Variants in IGF2BP1 observed in about 807,000 individuals in gnomAD.
IGF2BP1 encodes the protein insulin-like growth factor 2 mRNA-binding protein 1.
A neutral mutation model predicts 74.9 loss-of-function variants in IGF2BP1; 11 were observed. The observed-to-expected ratio is 0.15, with a 90% CI of 0.09 to 0.24. IGF2BP1 has a LOEUF of 0.24. Ranked by LOEUF, IGF2BP1 falls within the 10% of genes least tolerant of loss-of-function variation. The pLI, the probability that IGF2BP1 is intolerant of heterozygous loss-of-function variation, is 1.00. For missense variants in IGF2BP1, 440 were observed against 757.4 expected, an observed-to-expected ratio of 0.58 and a Z score of 4.92; for synonymous variants, 287 against 281.8, an observed-to-expected ratio of 1.02 and a Z score of -0.18.
chr17:48,996,649 TC>T (rs1452456753), upstream of IGF2BP1, among the ~76,000 whole-genome samples: 2 of 152,116 alleles, frequency 1.3e-5, no homozygotes, highest in Non-Finnish European at 2.9e-5. Flanking sequence ...TTCCGCGTGT[TC>T]CCCTCAGGAC....
chr17:49,055,546 T>C lies in IGF2BP1; in HGVS notation c.*6102T>C, dbSNP rs1267154594. The C allele has an allele frequency of 7.5e-6, 3 of 397,892 alleles. No homozygotes were observed. The highest frequency in any genetic ancestry group is 1.3e-5 in the Non-Finnish European group (3 of 225,738). The allele number at this position is 397,892 out of a possible 1,614,324, so 24.6% of individuals were successfully genotyped here. A position where few individuals can be genotyped will look rare whatever the true frequency, so the allele number is the denominator to read the frequency against. ...GGGGCTGGGGAGCCACTTGTAACAT[T>C]TCTGTGCAGATTTTATGTTAGCCAC... On this transcript the variant is annotated 3_prime_UTR_variant, in exon 15 of 15. Transcript: ENST00000290341.
At chr17:49,002,846 A>G (rs758066152) in intron 2 of IGF2BP1, among the ~76,000 whole-genome samples, 8 of 152,150 alleles carry the variant, frequency 5.3e-5, no homozygotes, top group Non-Finnish European at 1.0e-4. Flanking sequence ...AAATTCATAA[A>G]TTAGTTTCCT....
intron 2 of IGF2BP1, among the ~76,000 whole-genome samples, chr17:49,023,447 C>T (rs2041815934): frequency 1.5e-5 from 2 of 132,198 alleles, no homozygotes; most frequent in African/African-American, 5.0e-5. Context: ...TTGCTGTACC[C>T]ACTGTAAACC....
chr17:49,029,922 AAGTG>A (rs1224760347), intron 4 of IGF2BP1, among the ~76,000 whole-genome samples: 1 of 151,636 alleles, frequency 6.6e-6, no homozygotes, highest in African/African-American at 2.4e-5. Flanking sequence ...TAATAATTGT[AAGTG>A]AGAAATATGT....
chr17:48,997,521 C>T lies in IGF2BP1; in HGVS notation c.-225C>T, dbSNP rs2041421010. The T allele has an allele frequency of 3.9e-6, 2 of 519,308 alleles. No individual in the cohort carries two copies. Among genetic ancestry groups the T allele is most frequent in the Non-Finnish European group, 6.8e-6 (2 of 294,780 alleles). 32.2% of individuals were successfully genotyped at this position (519,308 alleles called of 1,614,324 possible). On this transcript the variant is annotated 5_prime_UTR_variant, in exon 1 of 15. Coordinates refer to ENST00000290341, the MANE Select transcript of IGF2BP1 (RefSeq NM_006546.4). This position sits in a 1 kb window ranked among gnomAD's most constrained non-coding sequence, Gnocchi z 4.8. ...GCGCCGTGTCGTCCGTCTCCCTGCG[C>T]GCCGCGGGCACTTCTCCTGGGCTCT...
Position 49,006,912 on chromosome 17 carries a change from A to T in IGF2BP1, c.236+7743A>T, listed in dbSNP as rs563570039. On this transcript the variant is annotated intron_variant, in intron 2 of 14. Coordinates refer to ENST00000290341, the MANE Select transcript of IGF2BP1 (RefSeq NM_006546.4). Reference sequence around the variant, plus strand: ...AGAGATGAGGCGAGCATGGTGGATAATGCTATTAATTGTTCTTTAGGGGAA... The same window carrying T: ...AGAGATGAGGCGAGCATGGTGGATATTGCTATTAATTGTTCTTTAGGGGAA... Among the ~76,000 whole-genome samples the T allele has an allele frequency of 6.6e-5, 10 of 152,288 alleles. No individual in the cohort carries two copies. In the East Asian group the frequency reaches 1.9e-3, roughly 29 times the overall value.
At position 49,054,271 on chromosome 17, in the gene IGF2BP1, A is replaced by T. The variant is rs900306103; in HGVS notation, c.*4827A>T. On this transcript the variant is annotated 3_prime_UTR_variant, in exon 15 of 15. Transcript: ENST00000290341. ...TGACTCCGGATGGACAAAAGAAAAA[A>T]AATTTTTTTTCTTGAATGAAATAGC... 1 of 152,612 alleles carries T rather than the reference A, an allele frequency of 6.6e-6. No individual in the cohort carries two copies. The highest frequency in any genetic ancestry group is 2.1e-4 in the South Asian group (1 of 4,834). 9.5% of individuals were successfully genotyped at this position (152,612 alleles called of 1,614,324 possible).
At chr17:49,009,140 G>C (rs2041586177) in intron 2 of IGF2BP1, among the ~76,000 whole-genome samples, 1 of 151,970 alleles carries the variant, frequency 6.6e-6, no homozygotes, top group Admixed American at 6.6e-5. Context: ...CGATTCTCCT[G>C]CCTCAGCCTC....
chr17:49,015,268 C>G (rs1029938893), intron 2 of IGF2BP1, among the ~76,000 whole-genome samples: 3 of 152,148 alleles, frequency 2.0e-5, no homozygotes, highest in African/African-American at 7.2e-5. Flanking sequence ...CCACTTTGCC[C>G]GGCCGTGACC....
chr17:48,997,796 C>T lies in IGF2BP1; in HGVS notation c.51C>T (p.Asp17=). ...GNLNESVTPA[D]LEKVFAEHKI... is the part of the protein sequence containing the mutation. ...TCAACGAGAGCGTGACCCCCGCGGACTTGGAGAAAGTGTTTGCGGAGCACA... is the reference window on the plus strand; with the variant it reads ...TCAACGAGAGCGTGACCCCCGCGGATTTGGAGAAAGTGTTTGCGGAGCACA... Residue 17 remains aspartate (D), a synonymous_variant, in exon 1 of 15, where the codon GAC becomes GAT. Transcript: ENST00000290341. This position sits in a 1 kb window ranked among gnomAD's most constrained non-coding sequence, Gnocchi z 4.8. The T allele has an allele frequency of 6.2e-7, 1 of 1,614,134 alleles. No homozygotes were observed. The highest frequency in any genetic ancestry group is 2.2e-5 in the East Asian group (1 of 44,868).
At chr17:49,023,727 TA>T (rs1334998266) in intron 2 of IGF2BP1, among the ~76,000 whole-genome samples, 1 of 152,222 alleles carries the variant, frequency 6.6e-6, no homozygotes, top group African/African-American at 2.4e-5. Context: ...TTCAAGCCAC[TA>T]GAGTTTTTTT....
rs149283508 is a variant in IGF2BP1, at chr17:49,043,558, G to C, written c.1200+8G>C. 6.2e-7 allele frequency: 1 copy of C among 1,613,592 alleles called. No homozygotes were observed. The highest frequency in any genetic ancestry group is 1.3e-5 in the African/African-American group (1 of 75,040). On this transcript the variant is annotated splice_region_variant and intron_variant, in intron 10 of 14. Transcript: ENST00000290341. ...CCCTATAGCTCCTTTATGGTAGGTG[G>C]AAGATCTTATTACACGGGATCCCTG... is the stretch of plus-strand genomic sequence containing the variant.
intron 4 of IGF2BP1, among the ~76,000 whole-genome samples, chr17:49,029,503 G>C (rs1425974507): frequency 6.6e-6 from 1 of 152,202 alleles, no homozygotes; most frequent in African/African-American, 2.4e-5. Flanking sequence ...TGCCTTATCT[G>C]TCCTCAGTGT....
intron 4 of IGF2BP1, among the ~76,000 whole-genome samples, chr17:49,031,419 T>G (rs933888267): frequency 6.6e-6 from 1 of 152,144 alleles, no homozygotes; most frequent in Non-Finnish European, 1.5e-5. Flanking sequence ...ATTTGAATTT[T>G]CTAGTAGCTT....
intron 2 of IGF2BP1, among the ~76,000 whole-genome samples, chr17:49,022,379 G>T (rs1034146544): frequency 6.6e-6 from 1 of 152,222 alleles, no homozygotes; most frequent in African/African-American, 2.4e-5. Flanking sequence ...AAAAGACAAA[G>T]GTTCTTCACG....
intron 8 of IGF2BP1, 136 bp downstream of exon 8, chr17:49,041,636 G>A (rs1321391861): frequency 2.6e-6 from 3 of 1,174,744 alleles, no homozygotes; most frequent in African/African-American, 3.1e-5. Flanking sequence ...AACAGTCGAA[G>A]TGGTAAAGAG....
intron 2 of IGF2BP1, 25 bp downstream of exon 2, chr17:48,999,194 G>C (rs188227744): frequency 2.8e-6 from 2 of 724,070 alleles, no homozygotes; most frequent in African/African-American, 1.9e-5. Context: ...TTTTCGGGGG[G>C]GGTGGGGGGG....
intron 2 of IGF2BP1, among the ~76,000 whole-genome samples, chr17:49,002,513 G>GC (rs1034217090): frequency 6.6e-6 from 1 of 152,066 alleles, no homozygotes; most frequent in Non-Finnish European, 1.5e-5. Flanking sequence ...AACTACTAGA[G>GC]CGGGAGGGTT....
In IGF2BP1 at chr17:49,042,295, C is replaced by G. The variant is rs1166523778; in HGVS notation, c.995C>G (p.Ala332Gly). The G allele has an allele frequency of 1.2e-6, 2 of 1,613,980 alleles. No individual in the cohort carries two copies. The highest frequency in any genetic ancestry group is 2.2e-5 in the South Asian group (2 of 91,062). Residue 332 changes from alanine (A) to glycine (G), a missense_variant, in exon 9 of 15, where the codon GCC becomes GGC. This residue lies in a region of IGF2BP1 where 184 missense variants were observed against 273.4 expected (regional missense o/e 0.67). Transcript: ENST00000290341. Reference protein sequence around the residue: ...NPERTITVKGAIENCCRAEQE... With the variant: ...NPERTITVKGGIENCCRAEQE... Reference sequence around the variant, plus strand: ...GAGAGGACCATCACTGTGAAGGGGGCCATCGAGAATTGTTGCAGGGCCGAG... The same window carrying G: ...GAGAGGACCATCACTGTGAAGGGGGGCATCGAGAATTGTTGCAGGGCCGAG...
Sources: gnomAD v4.1 joint callset for allele counts (sites outside exome capture counted in the v4.1 genomes callset) on GRCh38, gnomAD v4.1.1 for gene constraint, gnomAD v4.1.1 regional missense constraint, Gnocchi (gnomAD v3.1) non-coding constraint, MANE v1.5 for transcripts, NCBI Gene and HGNC (gene_info 2026-07-23, HGNC 2026-07-21) for gene names.